Variants in ZBTB40 observed in about 807,000 individuals in gnomAD.
ZBTB40 encodes zinc finger and BTB domain-containing protein 40.
Under a neutral mutation model 117.5 loss-of-function variants are expected in ZBTB40, and 60 were observed. The observed-to-expected ratio is 0.51, with a 90% CI of 0.41 to 0.63. The LOEUF (loss-of-function observed/expected upper bound fraction) is 0.63, where lower values mean the gene tolerates loss of function less well. ZBTB40 is among the 30% of genes least tolerant of loss of function. The pLI is 0.00. For missense variants in ZBTB40, 1,287 were observed against 1,498.5 expected (o/e 0.86, Z 2.33); for synonymous variants, 525 against 577.1 (o/e 0.91, Z 1.29).
At chr1:22,451,343 G>A (rs1640864358), upstream of ZBTB40, among the ~76,000 whole-genome samples, 1 of 152,198 alleles carries the variant, frequency 6.6e-6, no homozygotes, top group Non-Finnish European at 1.5e-5. Flanking sequence ...AGAGCTGCCG[G>A]AGCGAGACTG....
Position 22,502,342 on chromosome 1 carries a change from A to G in ZBTB40, c.1068A>G (p.Glu356=), listed in dbSNP as rs1362521338. The change falls in exon 5 of 18, where the codon GAA becomes GAG. Residue 356 remains glutamate (E), a synonymous_variant. Coordinates refer to ENST00000375647, the MANE Select transcript of ZBTB40 (RefSeq NM_014870.4). ...EGKTLSVLLL[E]HKEDLIQCVT... is the part of the protein sequence containing the mutation. ...AGACCTTGTCTGTTCTGTTACTAGA[A>G]CACAAAGAGGACCTGATACAGTGTG... is the stretch of plus-strand genomic sequence containing the variant. 2 of 1,614,034 alleles carry G rather than the reference A, an allele frequency of 1.2e-6. No individual in the cohort carries two copies. The highest frequency in any genetic ancestry group is 1.7e-6 in the Non-Finnish European group (2 of 1,179,954).
At chr1:22,508,804 G>A in intron 8 of ZBTB40, 73 bp downstream of exon 8, 1 of 1,491,506 alleles carries the variant, frequency 6.7e-7, no homozygotes, top group Middle Eastern at 2.4e-4. Flanking sequence ...AAAATAGGAA[G>A]AGCTCTCTTA....
intron 1 of ZBTB40, among the ~76,000 whole-genome samples, chr1:22,486,726 TG>T (rs57149609): frequency 0.72 from 109,449 of 151,846 alleles, 40,712 homozygotes; most frequent in East Asian, 0.9. Context: ...TTTTTTGTTT[TG>T]TTTTGTTTTG....
At chr1:22,496,393 G>A (rs1638775095) in intron 3 of ZBTB40, among the ~76,000 whole-genome samples, 1 of 152,036 alleles carries the variant, frequency 6.6e-6, no homozygotes, top group East Asian at 1.9e-4. Flanking sequence ...TGCCTGGGAG[G>A]CACCACATTG....
intron 1 of ZBTB40, among the ~76,000 whole-genome samples, chr1:22,463,138 A>G (rs1289633467): frequency 6.6e-6 from 1 of 152,202 alleles, no homozygotes; most frequent in African/African-American, 2.4e-5. Flanking sequence ...ACTGAGGCCA[A>G]GAGAGTTAAG....
At chr1:22,508,343 A>G (rs1016318460) in intron 7 of ZBTB40, among the ~76,000 whole-genome samples, 187 bp from the exon 8 acceptor site, 2 of 152,234 alleles carry the variant, frequency 1.3e-5, no homozygotes, top group African/African-American at 4.8e-5. Flanking sequence ...TAATAAGGAA[A>G]GGCATTCAAA....
Position 22,517,359 on chromosome 1 carries a change from C to T in ZBTB40, c.2728C>T (p.Arg910Cys), listed in dbSNP as rs768590722. 3.7e-6 allele frequency: 6 copies of T among 1,614,068 alleles called. No individual in the cohort carries two copies. Among genetic ancestry groups the T allele is most frequent in the East Asian group, 2.2e-5 (1 of 44,898 alleles). ...GTTTGCCCAGTCTATTGAGCTGTCCCGCCACGTGAGGACCCACACCGGGGA... is the reference window on the plus strand; with the variant it reads ...GTTTGCCCAGTCTATTGAGCTGTCCTGCCACGTGAGGACCCACACCGGGGA... The part of the protein sequence containing the change: ...AVFAQSIELS[R>C]HVRTHTGDKP... The change falls in exon 13 of 18, where the codon CGC becomes TGC. Residue 910 changes from arginine (R) to cysteine (C), a missense_variant. This residue lies in a region of ZBTB40 where 417 missense variants were observed against 564.1 expected (regional missense o/e 0.74). Coordinates refer to ENST00000375647, the MANE Select transcript of ZBTB40 (RefSeq NM_014870.4).
rs1331516232 is a variant in ZBTB40 at position 22,513,555 on chromosome 1, G to T, written c.2668+425G>T. Reference sequence around the variant, plus strand: ...CTGTACTAAAAAATACAAAAAATTAGCCAGGCGTGGTGGCGGGCACCTGGA... The same window carrying T: ...CTGTACTAAAAAATACAAAAAATTATCCAGGCGTGGTGGCGGGCACCTGGA... On this transcript the variant is annotated intron_variant, in intron 12 of 17. Coordinates refer to ENST00000375647, the MANE Select transcript of ZBTB40 (RefSeq NM_014870.4). This position sits in a 1 kb window ranked among gnomAD's most constrained non-coding sequence, Gnocchi z 4.9. Among the ~76,000 whole-genome samples, 2 of 152,088 alleles carry T rather than the reference G, an allele frequency of 1.3e-5. No individual in the cohort carries two copies. The highest frequency in any genetic ancestry group is 2.4e-5 in the African/African-American group (1 of 41,408).
chr1:22,505,984 G>A (rs989359780), intron 5 of ZBTB40, 65 bp from the exon 6 acceptor site: 12 of 1,566,440 alleles, frequency 7.7e-6, no homozygotes, highest in East Asian at 2.2e-5. Flanking sequence ...AGGTTTTCCA[G>A]TAGTGTGTCA....
rs1021682212 is a variant in ZBTB40, at chr1:22,530,583, A to G, written c.*4187A>G. ...AGGCCAGTCATCCCTGCTTCCACCC[A>G]TGGTCAGGACAGTCAGCCACTACGT... On this transcript the variant is annotated 3_prime_UTR_variant, in exon 18 of 18. Coordinates refer to ENST00000375647, the MANE Select transcript of ZBTB40 (RefSeq NM_014870.4). 2.6e-5 allele frequency: 4 copies of G among 152,290 alleles called. No individual in the cohort carries two copies. Among genetic ancestry groups the G allele is most frequent in the Admixed American group, 6.5e-5 (1 of 15,276 alleles). 9.4% of individuals were successfully genotyped at this position (152,290 alleles called of 1,614,324 possible). A position where few individuals can be genotyped will look rare whatever the true frequency, so the allele number is the denominator to read the frequency against.
At position 22,512,042 on chromosome 1, in the gene ZBTB40, G is replaced by A. The variant is rs1168766780; in HGVS notation, c.2369G>A (p.Gly790Asp). 6.2e-6 allele frequency: 10 copies of A among 1,614,064 alleles called. No individual in the cohort carries two copies. In the South Asian group the frequency reaches 9.9e-5, roughly 16 times the overall value. Residue 790 changes from glycine to aspartate, a missense_variant, in exon 11 of 18, where the codon GGT (glycine) becomes GAT (aspartate). Around this residue, in one of 2 missense-constraint regions of ZBTB40, gnomAD observed 870 missense variants for 934.4 expected, o/e 0.93. Coordinates refer to ENST00000375647, the MANE Select transcript of ZBTB40 (RefSeq NM_014870.4). ...GACAAACATCAGCTGGAGGCCCATGGTGCAGGTGGAGAGCCCGATGCCCCC... is the reference window on the plus strand; with the variant it reads ...GACAAACATCAGCTGGAGGCCCATGATGCAGGTGGAGAGCCCGATGCCCCC... ...ELDKHQLEAHGAGGEPDAPKK... is the reference protein window; with the variant it reads ...ELDKHQLEAHDAGGEPDAPKK...
At chr1:22,437,160 C>T (rs767432798) in intron 1 of ZBTB40, among the ~76,000 whole-genome samples, 3 of 152,046 alleles carry the variant, frequency 2.0e-5, no homozygotes, top group Non-Finnish European at 4.4e-5. Context: ...AGAGAAGTGA[C>T]GTCATAGGGC....
At chr1:22,463,570 C>T (rs1641183241) in intron 1 of ZBTB40, among the ~76,000 whole-genome samples, 1 of 152,138 alleles carries the variant, frequency 6.6e-6, no homozygotes, top group South Asian at 2.1e-4. Flanking sequence ...GAAAAGTTGG[C>T]CTTAAGTATA....
intron 3 of ZBTB40, among the ~76,000 whole-genome samples, chr1:22,494,564 A>G (rs1387874186): frequency 6.6e-6 from 1 of 152,198 alleles, no homozygotes; most frequent in African/African-American, 2.4e-5. Flanking sequence ...TGTAGACTAC[A>G]TTTTGAGAAG....
intron 16 of ZBTB40, 137 bp from the exon 17 acceptor site, chr1:22,524,081 G>A: frequency 2.5e-6 from 2 of 810,450 alleles, no homozygotes; most frequent in Non-Finnish European, 4.2e-6. Flanking sequence ...TAACGTTCGT[G>A]TCCCACAAAA....
chr1:22,501,714 C>G (rs148854717), intron 4 of ZBTB40, 30 bp downstream of exon 4: 2 of 1,606,256 alleles, frequency 1.2e-6, no homozygotes, highest in Non-Finnish European at 1.7e-6. Context: ...ATTGGAATGG[C>G]AGGGTTTTAT....
intron 1 of ZBTB40, among the ~76,000 whole-genome samples, chr1:22,469,213 C>T (rs1413927318): frequency 1.3e-5 from 2 of 152,216 alleles, no homozygotes; most frequent in African/African-American, 2.4e-5. Flanking sequence ...TTAAAGCTTA[C>T]ATTTTTATGT....
At chr1:22,486,741 T>C (rs28860170) in intron 1 of ZBTB40, among the ~76,000 whole-genome samples, 4,603 of 152,060 alleles carry the variant, frequency 0.03, 152 homozygotes, top group Admixed American at 0.07. Flanking sequence ...TGTTTTGTTT[T>C]GTTTTGTTTT....
intron 1 of ZBTB40, among the ~76,000 whole-genome samples, chr1:22,468,796 G>A (rs982492486): frequency 6.6e-6 from 1 of 151,156 alleles, no homozygotes; most frequent in African/African-American, 2.4e-5. Flanking sequence ...GCCATGCTTG[G>A]TGTTTCCTTA....
Sources: allele counts gnomAD v4.1 joint callset (sites outside exome capture counted in the v4.1 genomes callset), GRCh38; gene constraint gnomAD v4.1.1; regional missense constraint gnomAD v4.1.1; non-coding constraint Gnocchi (gnomAD v3.1); transcripts MANE v1.5; gene names NCBI Gene and HGNC (gene_info 2026-07-23, HGNC 2026-07-21).